CLSTN2: variants seen among roughly 807,000 people sequenced by gnomAD.
The protein encoded by CLSTN2 is calsyntenin-2.
In CLSTN2, 48 loss-of-function variants were observed where a neutral mutation model predicts 101.2. That is an observed-to-expected ratio of 0.47 (90% CI 0.38 to 0.60). The LOEUF is 0.60. Ranked by LOEUF, CLSTN2 falls within the 20% of genes least tolerant of loss-of-function variation. The pLI is 0.00. For synonymous variants in CLSTN2, 481 were observed against 463.6 expected (o/e 1.04, Z -0.48); for missense variants, 1,160 against 1,238.2 (o/e 0.94, Z 0.95).
chr3:139,944,879 G>C, intron 1 of CLSTN2, among the ~76,000 whole-genome samples: 1 of 152,164 alleles, frequency 6.6e-6, no homozygotes, highest in East Asian at 1.9e-4. Context: ...TAAAATACTC[G>C]CTTCCGCACA....
intron 1 of CLSTN2, among the ~76,000 whole-genome samples, chr3:140,045,186 T>G (rs1274638684): frequency 6.6e-6 from 1 of 152,204 alleles, no homozygotes; most frequent in Non-Finnish European, 1.5e-5. Flanking sequence ...GGTAGGCTAT[T>G]AGTTATTGCC....
chr3:140,276,512 G>A (rs1483003338), intron 2 of CLSTN2, among the ~76,000 whole-genome samples: 1 of 152,106 alleles, frequency 6.6e-6, no homozygotes, highest in Non-Finnish European at 1.5e-5. Context: ...TTGAGTGTAG[G>A]TGTTTTATTT....
At chr3:140,303,697 C>T (rs1336788435) in intron 2 of CLSTN2, among the ~76,000 whole-genome samples, 1 of 151,962 alleles carries the variant, frequency 6.6e-6, no homozygotes, top group African/African-American at 2.4e-5. Flanking sequence ...AGGGATCATT[C>T]GGTGTCCCAA....
At chr3:140,134,014 G>C (rs1334596117) in intron 1 of CLSTN2, among the ~76,000 whole-genome samples, 1 of 152,082 alleles carries the variant, frequency 6.6e-6, no homozygotes, top group African/African-American at 2.4e-5. Context: ...CTGCAGTTTG[G>C]ACCTTGAGAA....
intron 1 of CLSTN2, among the ~76,000 whole-genome samples, chr3:140,029,208 C>T (rs554338254): frequency 1.5e-4 from 23 of 152,170 alleles, no homozygotes; most frequent in Non-Finnish European, 1.9e-4. Flanking sequence ...CTGATACATA[C>T]TTCTAAGTTT....
At chr3:140,163,554 T>C (rs1308617907) in intron 1 of CLSTN2, among the ~76,000 whole-genome samples, 1 of 151,992 alleles carries the variant, frequency 6.6e-6, no homozygotes, top group African/African-American at 2.4e-5. Context: ...ACTTTAGTCT[T>C]GGCTATATTG....
intron 3 of CLSTN2, 73 bp from the exon 4 acceptor site, chr3:140,404,485 C>A: frequency 1.4e-6 from 2 of 1,385,128 alleles, no homozygotes; most frequent in Admixed American, 3.5e-5. Context: ...TCAGTCAGTG[C>A]CCCCAGGAGG....
chr3:140,085,946 C>T (rs1421161144), intron 1 of CLSTN2, among the ~76,000 whole-genome samples: 1 of 152,168 alleles, frequency 6.6e-6, no homozygotes, highest in Non-Finnish European at 1.5e-5. Context: ...TCACTTGGGG[C>T]AACTCCTGGA....
intron 1 of CLSTN2, among the ~76,000 whole-genome samples, chr3:140,131,861 CG>C: frequency 6.6e-6 from 1 of 151,986 alleles, no homozygotes; most frequent in East Asian, 1.9e-4. Context: ...GCACCGAGAG[CG>C]GGCTAAAACT....
chr3:140,453,686 C>A (rs1485903498), intron 6 of CLSTN2, among the ~76,000 whole-genome samples: 2 of 152,028 alleles, frequency 1.3e-5, no homozygotes, highest in Non-Finnish European at 2.9e-5. Context: ...TGATTATTAC[C>A]CAAGGTATAC....
intron 2 of CLSTN2, among the ~76,000 whole-genome samples, chr3:140,322,655 A>G (rs1242137749): frequency 6.6e-6 from 1 of 152,236 alleles, no homozygotes; most frequent in African/African-American, 2.4e-5. Flanking sequence ...GCAGGTTGTG[A>G]AAGAGACAGT....
chr3:140,127,192 C>A (rs1349368485), intron 1 of CLSTN2, among the ~76,000 whole-genome samples: 1 of 152,014 alleles, frequency 6.6e-6, no homozygotes, highest in Non-Finnish European at 1.5e-5. Context: ...CAGATAGTAA[C>A]AATCTGTGTT....
chr3:140,343,846 A>G (rs528875471), intron 2 of CLSTN2, among the ~76,000 whole-genome samples: 2 of 152,248 alleles, frequency 1.3e-5, no homozygotes, highest in South Asian at 2.1e-4. Context: ...TTTGTTGCTG[A>G]TGTATGTGTA....
At chr3:140,340,576 T>C (rs1310138687) in intron 2 of CLSTN2, among the ~76,000 whole-genome samples, 1 of 152,250 alleles carries the variant, frequency 6.6e-6, no homozygotes, top group Non-Finnish European at 1.5e-5. Flanking sequence ...CATAAAAATT[T>C]CAAATGATGG....
intron 2 of CLSTN2, among the ~76,000 whole-genome samples, chr3:140,233,639 C>G (rs1266209381): frequency 1.3e-5 from 2 of 152,158 alleles, no homozygotes; most frequent in East Asian, 1.9e-4. Flanking sequence ...CCAAGTTTTC[C>G]CTGCCATAAA....
At chr3:140,492,788 G>A (rs1559885639) in intron 8 of CLSTN2, among the ~76,000 whole-genome samples, 2 of 152,124 alleles carry the variant, frequency 1.3e-5, no homozygotes, top group Admixed American at 1.3e-4. Flanking sequence ...ACTCATAGTA[G>A]GGGCTCTGTA....
intron 1 of CLSTN2, among the ~76,000 whole-genome samples, chr3:139,990,134 A>G (rs1243647395): frequency 6.6e-6 from 1 of 152,198 alleles, no homozygotes; most frequent in Non-Finnish European, 1.5e-5. Context: ...TTTAACATAC[A>G]CTGTTATTAT....
At chr3:140,183,831 A>G (rs537658893) in intron 2 of CLSTN2, among the ~76,000 whole-genome samples, 3 of 151,526 alleles carry the variant, frequency 2.0e-5, no homozygotes, top group South Asian at 4.1e-4. Flanking sequence ...AGGCATTATT[A>G]TTATTTTATA....
chr3:140,243,370 G>A (rs1036888448), intron 2 of CLSTN2, among the ~76,000 whole-genome samples: 1 of 152,200 alleles, frequency 6.6e-6, no homozygotes, highest in Admixed American at 6.5e-5. Context: ...TCAGTAATGG[G>A]CCTCCCCATA....
Sources: gnomAD v4.1 joint callset for allele counts (sites outside exome capture counted in the v4.1 genomes callset) on GRCh38, gnomAD v4.1.1 for gene constraint, MANE v1.5 for transcripts, NCBI Gene and HGNC (gene_info 2026-07-23, HGNC 2026-07-21) for gene names.